Variants in ITPR2 observed in about 807,000 individuals in gnomAD.
ITPR2 encodes the protein inositol 1,4,5-trisphosphate receptor type 2.
In ITPR2, 207 loss-of-function variants were observed where a neutral mutation model predicts 317.1. The observed-to-expected ratio is 0.65, with a 90% CI of 0.58 to 0.73. The LOEUF is 0.73. Among genes scored for constraint, ITPR2 ranks in the 30% least tolerant of loss-of-function variants. The pLI is 0.00. For missense variants in ITPR2, 2,613 were observed against 3,284.0 expected (o/e 0.80, Z 4.99); for synonymous variants, 1,156 against 1,149.1 (o/e 1.01, Z -0.12).
At chr12:26,423,705 T>G (rs559026916) in intron 49 of ITPR2, among the ~76,000 whole-genome samples, 1 of 152,216 alleles carries the variant, frequency 6.6e-6, no homozygotes, top group Non-Finnish European at 1.5e-5. Flanking sequence ...TATGTGCTTA[T>G]ATTTGTCAGA....
At chr12:26,801,759 C>A (rs544864119) in intron 1 of ITPR2, among the ~76,000 whole-genome samples, 1 of 152,282 alleles carries the variant, frequency 6.6e-6, no homozygotes, top group South Asian at 2.1e-4. Flanking sequence ...AGTCAGACTG[C>A]AGATGCCAGT....
rs1565568498 is a variant in ITPR2 at position 26,507,861 on chromosome 12, CTCTGTG to C, written c.5074-12607_5074-12602del. On this transcript the variant is annotated intron_variant, in intron 37 of 56. Coordinates refer to ENST00000381340, the MANE Select transcript of ITPR2 (RefSeq NM_002223.4). The stretch of plus-strand genomic sequence containing the variant: ...TATCTCTCTACTCTTCTCTCTCTGT[CTCTGTG>C]TGTGTGTGTGTGTGTGTGTGTGTGT... Among the ~76,000 whole-genome samples, 180 of 120,928 alleles carry C rather than the reference CTCTGTG, an allele frequency of 1.5e-3. 1 individual carries two copies. Among genetic ancestry groups the C allele is most frequent in the South Asian group, 3.5e-3 (13 of 3,698 alleles). 79.3% of individuals were successfully genotyped at this position (120,928 alleles called of 152,430 possible). A position where few individuals can be genotyped will look rare whatever the true frequency, so the allele number is the denominator to read the frequency against.
In ITPR2 at chr12:26,686,597, G is replaced by A. The variant is rs775222773; in HGVS notation, c.1032C>T (p.Arg344=). The A allele has an allele frequency of 7.4e-6, 12 of 1,610,844 alleles. No homozygotes were observed. The highest frequency in any genetic ancestry group is 9.3e-6 in the Non-Finnish European group (11 of 1,178,202). Residue 344 remains arginine, a synonymous_variant, in exon 11 of 57, where the codon CGC becomes CGT. Transcript: ENST00000381340. ...TATACATGATCTTCTCCCCTGCCTG[G>A]CGTTTTTTCTTTGAAGTTGGAGGGA... is the stretch of plus-strand genomic sequence containing the variant. ...DGVPPTSKKK[R]QAGEKIMYTL...
chr12:26,662,107 T>C (rs1177136474), intron 15 of ITPR2, among the ~76,000 whole-genome samples: 2 of 152,234 alleles, frequency 1.3e-5, no homozygotes, highest in African/African-American at 4.8e-5. Context: ...TTCTAGCTAA[T>C]GTTTTTATAT....
At position 26,461,877 on chromosome 12, in the gene ITPR2, T is replaced by A. The variant is rs373134743; in HGVS notation, c.6342+13419A>T. ...TCCCCTACCATATAATTTCAAATAA[T>A]CACTTGGTTGTGACAGAAGGGGACT... On this transcript the variant is annotated intron_variant, in intron 45 of 56. Transcript: ENST00000381340. Among the ~76,000 whole-genome samples the A allele has an allele frequency of 5.4e-4, 82 of 151,608 alleles. No individual in the cohort carries two copies. In the East Asian group the frequency reaches 8.0e-3, roughly 15 times the overall value.
intron 37 of ITPR2, among the ~76,000 whole-genome samples, chr12:26,527,410 C>T (rs982179907): frequency 1.3e-5 from 2 of 152,206 alleles, no homozygotes; most frequent in Non-Finnish European, 2.9e-5. Context: ...ATTCTACAAA[C>T]ATTACACCAC....
Position 26,335,429 on chromosome 12 carries a change from C to T in ITPR2, c.*3968G>A, listed in dbSNP as rs1328439258. On this transcript the variant is annotated 3_prime_UTR_variant, in exon 57 of 57. Coordinates refer to ENST00000381340, the MANE Select transcript of ITPR2 (RefSeq NM_002223.4). ...ATATATTGGAATCGTGTTTTTTAGG[C>T]AAATATAACAATCCTCTACTGCAGG... Among the ~76,000 whole-genome samples, 4 of 152,038 alleles carry T rather than the reference C, an allele frequency of 2.6e-5. No individual in the cohort carries two copies. Among genetic ancestry groups the T allele is most frequent in the African/African-American group, 9.7e-5 (4 of 41,380 alleles).
rs1182027078 is a variant in ITPR2, at chr12:26,484,987, T to G, written c.5812-1089A>C. Among the ~76,000 whole-genome samples, 3 of 151,896 alleles carry G rather than the reference T, an allele frequency of 2.0e-5. No individual in the cohort carries two copies. In the East Asian group the frequency reaches 5.8e-4, roughly 29 times the overall value. On this transcript the variant is annotated intron_variant, in intron 41 of 56. Coordinates refer to ENST00000381340, the MANE Select transcript of ITPR2 (RefSeq NM_002223.4). ...ATCTTGGCCTCCCAAAGTGCTGGGA[T>G]TACAGGCGTGAGCCACTGTGCCCGG...
intron 45 of ITPR2, among the ~76,000 whole-genome samples, chr12:26,445,564 T>G (rs1417897260): frequency 6.6e-6 from 1 of 152,034 alleles, no homozygotes; most frequent in African/African-American, 2.4e-5. Flanking sequence ...AGTGAAGAAA[T>G]AATTTCAAGA....
chr12:26,461,627 A>T lies in ITPR2; in HGVS notation c.6342+13669T>A, dbSNP rs11048531. Among the ~76,000 whole-genome samples, 178 of 48,594 alleles carry T rather than the reference A, an allele frequency of 3.7e-3. 2 individuals are homozygous for T. The highest frequency in any genetic ancestry group is 8.6e-3 in the African/African-American group (102 of 11,862). The allele number at this position is 48,594 out of a possible 152,430, so 31.9% of individuals were successfully genotyped here. A position where few individuals can be genotyped will look rare whatever the true frequency, so the allele number is the denominator to read the frequency against. On this transcript the variant is annotated intron_variant, in intron 45 of 56. Transcript: ENST00000381340. ...ACAATAAGAAAAAGAAAAGCATATA[A>T]ATATATATATATATATATATATATA...
intron 1 of ITPR2, among the ~76,000 whole-genome samples, chr12:26,808,607 C>T (rs913230061): frequency 6.8e-6 from 1 of 147,524 alleles, no homozygotes; most frequent in Non-Finnish European, 1.5e-5. Flanking sequence ...TGGGTCCAAG[C>T]TTGGGTCCAA....
rs904877820 is a variant in ITPR2 at position 26,678,412 on chromosome 12, C to G, written c.1409+3462G>C. The stretch of plus-strand genomic sequence containing the variant: ...TCCTGGGATAAGTAAAAAGGGAAGA[C>G]AGAGAGAGAGAGAGAGAAAAAAAAA... On this transcript the variant is annotated intron_variant, in intron 13 of 56. Transcript: ENST00000381340. Among the ~76,000 whole-genome samples the G allele has an allele frequency of 8.9e-4, 133 of 149,526 alleles. 1 individual carries two copies. The highest frequency in any genetic ancestry group is 8.5e-3 in the Admixed American group (127 of 15,028).
chr12:26,648,783 G>T (rs1207069532), intron 21 of ITPR2: 1 of 151,602 alleles, frequency 6.6e-6, no homozygotes, highest in Admixed American at 6.6e-5. Context: ...TTTCCTCTCT[G>T]GCATCGACCT....
At chr12:26,370,258 C>A (rs1269204160) in intron 55 of ITPR2, among the ~76,000 whole-genome samples, 1 of 152,160 alleles carries the variant, frequency 6.6e-6, no homozygotes, top group Non-Finnish European at 1.5e-5. Context: ...GAAGTAAGGG[C>A]ATCTTTTTGA....
chr12:26,488,475 T>C (rs765542749), intron 39 of ITPR2, among the ~76,000 whole-genome samples: 1 of 152,106 alleles, frequency 6.6e-6, no homozygotes, highest in African/African-American at 2.4e-5. Context: ...TTGCCTACTC[T>C]GCAATTTTCT....
At chr12:26,546,826 T>C (rs999419839) in intron 37 of ITPR2, among the ~76,000 whole-genome samples, 9 of 152,150 alleles carry the variant, frequency 5.9e-5, no homozygotes, top group African/African-American at 2.2e-4. Context: ...CTCCAATAAA[T>C]GACACTGGGA....
chr12:26,486,729 T>C (rs1942678358), intron 40 of ITPR2: 2 of 552,280 alleles, frequency 3.6e-6, no homozygotes, highest in Middle Eastern at 3.0e-4. Flanking sequence ...ATACCAAGAA[T>C]CTTTCATTGG....
chr12:26,424,897 C>A (rs950335904), intron 49 of ITPR2, among the ~76,000 whole-genome samples: 2 of 151,856 alleles, frequency 1.3e-5, no homozygotes, highest in Admixed American at 6.6e-5. Flanking sequence ...GTAGCTGGGA[C>A]TACAGGTACG....
intron 21 of ITPR2, among the ~76,000 whole-genome samples, chr12:26,643,068 C>T (rs957624457): frequency 3.9e-5 from 6 of 152,138 alleles, no homozygotes; most frequent in South Asian, 4.1e-4. Flanking sequence ...AGGGCTCTTT[C>T]GAAAGATGCC....
Sources: allele counts gnomAD v4.1 joint callset (sites outside exome capture counted in the v4.1 genomes callset), GRCh38; gene constraint gnomAD v4.1.1; transcripts MANE v1.5; gene names NCBI Gene and HGNC (gene_info 2026-07-23, HGNC 2026-07-21).